ZNF837: variants seen among roughly 807,000 people sequenced by gnomAD.
The protein encoded by ZNF837 is zinc finger protein 837.
For missense variants in ZNF837, 955 were observed against 801.7 expected (o/e 1.19, Z -2.31); for synonymous variants, 475 against 365.2 (o/e 1.30, Z -3.43).
In ZNF837 at chr19:58,368,459, T is replaced by C. The variant is rs1030944817; in HGVS notation, c.874A>G (p.Ile292Val). 11 of 1,569,886 alleles carry C rather than the reference T, an allele frequency of 7.0e-6. No individual in the cohort carries two copies. The highest frequency in any genetic ancestry group is 8.6e-6 in the Non-Finnish European group (10 of 1,159,776). ...TCGTAGGGCCGCTCGCCCGTGTGGATGCGCTGGTGCTGCAGCAGGCTGGAG... is the reference window on the plus strand; with the variant it reads ...TCGTAGGGCCGCTCGCCCGTGTGGACGCGCTGGTGCTGCAGCAGGCTGGAG... ...RTSSLLQHQR[I>V]HTGERPYECA... The change falls in exon 3 of 3, where the codon ATC becomes GTC. Residue 292 changes from isoleucine (I) to valine (V), a missense_variant. Ile to Val is a conservative substitution (Grantham distance 29). Transcript: ENST00000597582.
At position 58,368,884 on chromosome 19, in the gene ZNF837, TC is replaced by T; in HGVS notation, c.448del (p.Glu150SerfsTer257). 1 of 1,548,016 alleles carries T rather than the reference TC, an allele frequency of 6.5e-7. No homozygotes were observed. Among genetic ancestry groups the T allele is most frequent in the Non-Finnish European group, 8.7e-7 (1 of 1,146,646 alleles). On this transcript the variant is annotated frameshift_variant, in exon 3 of 3. Transcript: ENST00000597582. LOFTEE classifies it low-confidence loss of function (END_TRUNC). ...ETPPVCDPCP[E>X]RIQNHPRTQL... The stretch of plus-strand genomic sequence containing the variant: ...AGTCCGGGGGTGGTTCTGGATCCGC[TC>T]CGGACAGGGGTCACACACGGGTGGC...
In ZNF837 at chr19:58,367,864, A is replaced by G; in HGVS notation, c.1469T>C (p.Leu490Pro). Residue 490 changes from leucine to proline, a missense_variant, in exon 3 of 3, where the codon CTG becomes CCG. By Grantham distance (98) the Leu-to-Pro change is moderately conservative. Coordinates refer to ENST00000597582, the MANE Select transcript of ZNF837 (RefSeq NM_138466.2). Reference protein sequence around the residue: ...CGKAFVRNCSLVRHLRTHTGE... With the variant: ...CGKAFVRNCSPVRHLRTHTGE... Reference sequence around the variant, plus strand: ...CGTGTGCGTGCGCAGGTGGCGCACCAGGCTGCAGTTGCGCACGAAGGCCTT... The same window carrying G: ...CGTGTGCGTGCGCAGGTGGCGCACCGGGCTGCAGTTGCGCACGAAGGCCTT... The G allele has an allele frequency of 6.5e-7, 1 of 1,536,014 alleles. No homozygotes were observed. Among genetic ancestry groups the G allele is most frequent in the Non-Finnish European group, 8.7e-7 (1 of 1,144,520 alleles).
intron 1 of ZNF837, among the ~76,000 whole-genome samples, chr19:58,380,014 AC>A (rs1770892712): frequency 7.7e-6 from 1 of 129,450 alleles, no homozygotes; most frequent in African/African-American, 2.5e-5. Flanking sequence ...AACAACAACA[AC>A]AACAACAAAA....
chr19:58,368,640 C>T lies in ZNF837; in HGVS notation c.693G>A (p.Gly231=), dbSNP rs911404601. 22 of 1,530,458 alleles carry T rather than the reference C, an allele frequency of 1.4e-5. 1 individual carries two copies. Among genetic ancestry groups the T allele is most frequent in the African/African-American group, 1.1e-4 (8 of 73,040 alleles). The allele number at this position is 1,530,458 out of a possible 1,614,324, so 94.8% of individuals were successfully genotyped here. ...TEEPRPCARC[G]KRFRPNQQQQ... is the part of the protein sequence containing the mutation. ...GCTGCTGGTTGGGGCGGAAGCGCTT[C>T]CCGCACCGGGCACACGGACGGGGCT... The change falls in exon 3 of 3, where the codon GGG becomes GGA. Residue 231 remains glycine (G), a synonymous_variant. Transcript: ENST00000597582.
chr19:58,369,115 C>G lies in ZNF837; in HGVS notation c.218G>C (p.Ser73Thr). ...GCTGTGCCGGGTCCCCGGGCCGGGG[C>G]TCACCCCGAGGCTGCAGCCCCGGGA... ...GGSRGCSLGV[S>T]PGPGTRHSAG... The change falls in exon 3 of 3, where the codon AGC (serine) becomes ACC (threonine). Residue 73 changes from serine (S) to threonine (T), a missense_variant. Transcript: ENST00000597582. The G allele has an allele frequency of 1.3e-6, 2 of 1,496,938 alleles. No homozygotes were observed. The highest frequency in any genetic ancestry group is 1.8e-6 in the Non-Finnish European group (2 of 1,124,262). 92.7% of individuals were successfully genotyped at this position (1,496,938 alleles called of 1,614,324 possible).
chr19:58,370,250 C>CT (rs2052187623), intron 1 of ZNF837, among the ~76,000 whole-genome samples: 1 of 152,142 alleles, frequency 6.6e-6, no homozygotes, highest in Admixed American at 6.6e-5. Context: ...TAGGTGCCAC[C>CT]TACTTTTCTT....
At chr19:58,380,833 A>G (rs760635236) in intron 1 of ZNF837, 108 bp downstream of exon 1, 1 of 152,210 alleles carries the variant, frequency 6.6e-6, no homozygotes, top group Non-Finnish European at 1.5e-5. Context: ...TCTGCCCCGG[A>G]CCCCGCGCGC....
chr19:58,378,276 G>A (rs750827748), intron 1 of ZNF837, among the ~76,000 whole-genome samples: 2 of 152,162 alleles, frequency 1.3e-5, no homozygotes, highest in African/African-American at 2.4e-5. Flanking sequence ...CAGGGGCCCC[G>A]CTTTCACAAT....
Position 58,367,651 on chromosome 19 carries a change from C to A in ZNF837, c.*86G>T. On this transcript the variant is annotated 3_prime_UTR_variant, in exon 3 of 3. Coordinates refer to ENST00000597582, the MANE Select transcript of ZNF837 (RefSeq NM_138466.2). ...ACAAAGTGAAGTTTAATCAAAGTTA[C>A]AAACGTTGGTGGGTTTTCCGGGACA... 1 of 1,416,630 alleles carries A rather than the reference C, an allele frequency of 7.1e-7. No individual in the cohort carries two copies. 87.8% of individuals were successfully genotyped at this position (1,416,630 alleles called of 1,614,324 possible).
At position 58,369,173 on chromosome 19, in the gene ZNF837, C is replaced by T. The variant is rs1283465353; in HGVS notation, c.160G>A (p.Ala54Thr). The T allele has an allele frequency of 1.4e-6, 2 of 1,451,400 alleles. No individual in the cohort carries two copies. The highest frequency in any genetic ancestry group is 9.1e-7 in the Non-Finnish European group (1 of 1,102,700). The allele number at this position is 1,451,400 out of a possible 1,614,324, so 89.9% of individuals were successfully genotyped here. Residue 54 changes from alanine (A) to threonine (T), a missense_variant, in exon 3 of 3, where the codon GCG (alanine) becomes ACG (threonine). Physicochemically the swap from Ala to Thr is moderately conservative, Grantham distance 58 (BLOSUM62 0). Coordinates refer to ENST00000597582, the MANE Select transcript of ZNF837 (RefSeq NM_138466.2). ...PTQKGDLRGA[A>T]GGRTTPPGGG... ...CCTGGGGGAGTCGTCCTACCGCCCG[C>T]CGCTCCACGCAGGTCCCCCTTTTGA...
At chr19:58,375,903 A>ATTTATT (rs2122131598) in intron 1 of ZNF837, among the ~76,000 whole-genome samples, 1 of 151,466 alleles carries the variant, frequency 6.6e-6, no homozygotes, top group East Asian at 2.0e-4. Flanking sequence ...TGGTTTATTT[A>ATTTATT]TTTATTTTTA....
At chr19:58,373,887 T>C (rs1168975882) in intron 1 of ZNF837, among the ~76,000 whole-genome samples, 1 of 152,152 alleles carries the variant, frequency 6.6e-6, no homozygotes, top group Non-Finnish European at 1.5e-5. Flanking sequence ...GTAAATGAGC[T>C]GGAGGGGGCG....
At chr19:58,371,114 G>C (rs1263549230) in intron 1 of ZNF837, among the ~76,000 whole-genome samples, 4 of 151,840 alleles carry the variant, frequency 2.6e-5, no homozygotes, top group Admixed American at 6.6e-5. Context: ...GGTGGCGGGC[G>C]CCTGTAGTCC....
At position 58,367,923 on chromosome 19, in the gene ZNF837, C is replaced by T. The variant is rs762368186; in HGVS notation, c.1410G>A (p.Ser470=). The T allele has an allele frequency of 3.9e-6, 6 of 1,533,306 alleles. No homozygotes were observed. The highest frequency in any genetic ancestry group is 2.4e-5 in the South Asian group (2 of 83,780). 95.0% of individuals were successfully genotyped at this position (1,533,306 alleles called of 1,614,324 possible). The change falls in exon 3 of 3, where the codon TCG becomes TCA. Residue 470 remains serine (S), a synonymous_variant. Coordinates refer to ENST00000597582, the MANE Select transcript of ZNF837 (RefSeq NM_138466.2). ...CGCGGCAGATGTAGGGCTTCTCGCC[C>T]GAGTGCAGGCGCTCGTGCTGGCGCA... is the stretch of plus-strand genomic sequence containing the variant. ...SELRQHERLH[S]GEKPYICRDC...
Position 58,376,314 on chromosome 19 carries a change from A to G in ZNF837, c.-140+4627T>C, listed in dbSNP as rs573116178. Among the ~76,000 whole-genome samples the G allele has an allele frequency of 2.1e-3, 321 of 152,170 alleles. 1 individual carries two copies. Among genetic ancestry groups the G allele is most frequent in the African/African-American group, 7.2e-3 (299 of 41,536 alleles). On this transcript the variant is annotated intron_variant, in intron 1 of 2. Coordinates refer to ENST00000597582, the MANE Select transcript of ZNF837 (RefSeq NM_138466.2). ...ACGCCTGTAATTCCAGCACTTTGGGAGGCCGAGGCGGGCGGATCACGAGGT... is the reference window on the plus strand; with the variant it reads ...ACGCCTGTAATTCCAGCACTTTGGGGGGCCGAGGCGGGCGGATCACGAGGT...
Position 58,368,199 on chromosome 19 carries a change from G to T in ZNF837, c.1134C>A (p.Leu378=). The change falls in exon 3 of 3, where the codon CTC becomes CTA. Residue 378 remains leucine, a synonymous_variant. Transcript: ENST00000597582. ...CGGTGTGCACGCGCCGGTGCTCCACGAGGTGCGAGAACAGCCCGAAGGCCT... is the reference window on the plus strand; with the variant it reads ...CGGTGTGCACGCGCCGGTGCTCCACTAGGTGCGAGAACAGCCCGAAGGCCT... ...CAKAFGLFSH[L]VEHRRVHTGE... 6.4e-7 allele frequency: 1 copy of T among 1,560,072 alleles called. No individual in the cohort carries two copies. Among genetic ancestry groups the T allele is most frequent in the East Asian group, 2.4e-5 (1 of 42,228 alleles).
Position 58,367,900 on chromosome 19 carries a change from C to T in ZNF837, c.1433G>A (p.Arg478His). 2 of 1,532,050 alleles carry T rather than the reference C, an allele frequency of 1.3e-6. No individual in the cohort carries two copies. The highest frequency in any genetic ancestry group is 1.7e-6 in the Non-Finnish European group (2 of 1,143,092). 94.9% of individuals were successfully genotyped at this position (1,532,050 alleles called of 1,614,324 possible). A position where few individuals can be genotyped will look rare whatever the true frequency, so the allele number is the denominator to read the frequency against. The change falls in exon 3 of 3, where the codon CGC (arginine) becomes CAC (histidine). Residue 478 changes from arginine (R) to histidine (H), a missense_variant. Transcript: ENST00000597582. ...GCGCACGAAGGCCTTGCCGCAGTCG[C>T]GGCAGATGTAGGGCTTCTCGCCCGA... ...LHSGEKPYIC[R>H]DCGKAFVRNC...
At chr19:58,376,124 G>A in intron 1 of ZNF837, among the ~76,000 whole-genome samples, 1 of 151,954 alleles carries the variant, frequency 6.6e-6, no homozygotes. Context: ...TCACCCTGTT[G>A]GCCTGGCTGG....
In ZNF837 at chr19:58,367,758, G is replaced by A. The variant is rs1372730088; in HGVS notation, c.1575C>T (p.His525=). The part of the protein sequence containing the change: ...RSNLNEHRKR[H]GGRAAP ...GCAGTCAAGGCGCGGCGCGGCCCCCGTGCCGCTTCCGGTGCTCGTTGAGGT... is the reference window on the plus strand; with the variant it reads ...GCAGTCAAGGCGCGGCGCGGCCCCCATGCCGCTTCCGGTGCTCGTTGAGGT... Residue 525 remains histidine, a synonymous_variant, in exon 3 of 3, where the codon CAC becomes CAT. Coordinates refer to ENST00000597582, the MANE Select transcript of ZNF837 (RefSeq NM_138466.2). 3.3e-6 allele frequency: 5 copies of A among 1,532,634 alleles called. No homozygotes were observed. Among genetic ancestry groups the A allele is most frequent in the Admixed American group, 2.0e-5 (1 of 50,346 alleles). 94.9% of individuals were successfully genotyped at this position (1,532,634 alleles called of 1,614,324 possible).
Sources: gnomAD v4.1 joint callset for allele counts (sites outside exome capture counted in the v4.1 genomes callset) on GRCh38, gnomAD v4.1.1 for gene constraint, MANE v1.5 for transcripts, NCBI Gene and HGNC (gene_info 2026-07-23, HGNC 2026-07-21) for gene names.